NCALD: variants seen among roughly 807,000 people sequenced by gnomAD.
The protein encoded by NCALD is neurocalcin-delta.
In NCALD, 10 loss-of-function variants were observed where a neutral mutation model predicts 18.6. The ratio of observed to expected loss-of-function variants is 0.54; its 90% CI spans 0.33 to 0.91. The LOEUF is 0.91. NCALD is among the 40% of genes least tolerant of loss of function. The pLI is 0.03. For missense variants in NCALD, 184 were observed against 247.6 expected (o/e 0.74, Z 1.72); for synonymous variants, 88 against 87.4 (o/e 1.01, Z -0.04).
chr8:102,105,181 T>C (rs956122380), intron 1 of NCALD, among the ~76,000 whole-genome samples: 2 of 152,246 alleles, frequency 1.3e-5, no homozygotes, highest in Non-Finnish European at 2.9e-5. Context: ...ATCAGGTTTC[T>C]ATCATTTGTA....
chr8:102,095,447 C>T (rs1370352135), intron 1 of NCALD, among the ~76,000 whole-genome samples: 6 of 152,288 alleles, frequency 3.9e-5, no homozygotes, highest in Non-Finnish European at 8.8e-5. Flanking sequence ...GGTAAACCAA[C>T]TTGGACCTGT....
At chr8:102,015,685 G>T (rs1822058956) in intron 2 of NCALD, among the ~76,000 whole-genome samples, 1 of 152,172 alleles carries the variant, frequency 6.6e-6, no homozygotes, top group South Asian at 2.1e-4. Flanking sequence ...GCAACGAAGT[G>T]AACTGAGTTT....
chr8:101,988,468 C>T (rs2131972730), intron 2 of NCALD, among the ~76,000 whole-genome samples: 1 of 152,244 alleles, frequency 6.6e-6, no homozygotes, highest in South Asian at 2.1e-4. Context: ...TTACTTGAAA[C>T]ATTATCTAGT....
intron 1 of NCALD, among the ~76,000 whole-genome samples, chr8:101,732,049 G>A (rs952633929): frequency 6.6e-6 from 1 of 152,194 alleles, no homozygotes; most frequent in Non-Finnish European, 1.5e-5. Flanking sequence ...CCAGATGCTG[G>A]ACCAGAGCAG....
chr8:101,944,387 G>A (rs1819085959), intron 2 of NCALD, among the ~76,000 whole-genome samples: 1 of 152,216 alleles, frequency 6.6e-6, no homozygotes. Flanking sequence ...CAGTAGAAAG[G>A]AGAGTGGCAG....
intron 1 of NCALD, among the ~76,000 whole-genome samples, chr8:101,778,770 C>T (rs1811895881): frequency 6.6e-6 from 1 of 151,920 alleles, no homozygotes; most frequent in South Asian, 2.1e-4. Context: ...GTAAGAGCTA[C>T]TAGAGGAGAA....
Position 101,841,526 on chromosome 8 carries a change from G to A in NCALD, c.-20+45615C>T, listed in dbSNP as rs368486787. On this transcript the variant is annotated intron_variant, in intron 4 of 6. Transcript: ENST00000311028. ...AATAGCAACTCCCCTCTTCCCCCAGGTTGTGACAATCAAAAACATCTCCAG... is the reference window on the plus strand; with the variant it reads ...AATAGCAACTCCCCTCTTCCCCCAGATTGTGACAATCAAAAACATCTCCAG... 1.8e-4 allele frequency among the ~76,000 whole-genome samples: 28 copies of A among 152,230 alleles called. No homozygotes were observed. In the East Asian group the frequency reaches 4.2e-3, roughly 23 times the overall value.
intron 1 of NCALD, among the ~76,000 whole-genome samples, chr8:101,779,097 G>A (rs184868426): frequency 1.7e-4 from 26 of 152,206 alleles, no homozygotes; most frequent in Middle Eastern, 3.4e-3. Context: ...GTAATTTGGC[G>A]TCTATTTTTC....
intron 1 of NCALD, 39 bp from the exon 2 acceptor site, chr8:101,719,687 T>A (rs1816261354): frequency 4.7e-6 from 7 of 1,495,658 alleles, no homozygotes; most frequent in Non-Finnish European, 6.2e-6. Flanking sequence ...TTTGTAGAGC[T>A]GCTCTTTAGG....
At chr8:101,905,665 G>A (rs1013003208) in intron 3 of NCALD, among the ~76,000 whole-genome samples, 3 of 152,106 alleles carry the variant, frequency 2.0e-5, no homozygotes, top group Admixed American at 1.3e-4. Flanking sequence ...GTGCAGATGT[G>A]GCCATGCCAC....
intron 1 of NCALD, among the ~76,000 whole-genome samples, chr8:102,076,114 C>A (rs1824338622): frequency 6.6e-6 from 1 of 151,690 alleles, no homozygotes; most frequent in African/African-American, 2.4e-5. Flanking sequence ...CATTAAAATT[C>A]TAAAAATACA....
chr8:102,054,252 C>A (rs138938940), intron 1 of NCALD, among the ~76,000 whole-genome samples: 1 of 152,106 alleles, frequency 6.6e-6, no homozygotes, highest in Admixed American at 6.5e-5. Context: ...GTCAACTTGA[C>A]GAAGCCACCA....
intron 2 of NCALD, among the ~76,000 whole-genome samples, chr8:101,948,557 A>C (rs1328496618): frequency 6.6e-6 from 1 of 152,220 alleles, no homozygotes; most frequent in South Asian, 2.1e-4. Flanking sequence ...AGTCATTAGC[A>C]TATAGATGGT....
chr8:101,744,299 A>C (rs969660081), intron 1 of NCALD, among the ~76,000 whole-genome samples: 3 of 152,190 alleles, frequency 2.0e-5, no homozygotes. Flanking sequence ...CCAGCAGACT[A>C]TCCCTGACCT....
At chr8:102,056,473 C>T (rs1563579781) in intron 1 of NCALD, among the ~76,000 whole-genome samples, 1 of 152,204 alleles carries the variant, frequency 6.6e-6, no homozygotes, top group African/African-American at 2.4e-5. Flanking sequence ...ATAACTAATA[C>T]ATGCAGTCAG....
At chr8:101,896,068 G>C (rs548167746) in intron 3 of NCALD, among the ~76,000 whole-genome samples, 10 of 151,130 alleles carry the variant, frequency 6.6e-5, no homozygotes, top group Non-Finnish European at 1.3e-4. Context: ...TCAACCCTAA[G>C]CCAAAAGAAC....
At chr8:101,910,429 C>T (rs1817755123) in intron 3 of NCALD, among the ~76,000 whole-genome samples, 1 of 139,156 alleles carries the variant, frequency 7.2e-6, no homozygotes, top group Non-Finnish European at 1.5e-5. Flanking sequence ...ACACAGGGCC[C>T]CAAGAATAGT....
At chr8:102,084,712 TTGGCCTCTTAG>T (rs1304634994) in intron 1 of NCALD, among the ~76,000 whole-genome samples, 1 of 152,208 alleles carries the variant, frequency 6.6e-6, no homozygotes, top group Middle Eastern at 3.2e-3. Context: ...ACTCCACCAT[TTGGCCTCTTAG>T]TCCACAAGCT....
intron 1 of NCALD, among the ~76,000 whole-genome samples, chr8:101,761,060 G>C (rs1431522761): frequency 6.6e-6 from 1 of 151,850 alleles, no homozygotes; most frequent in Admixed American, 6.6e-5. Context: ...CTGCTCTATT[G>C]ACTTCCTCCA....
Sources: allele counts gnomAD v4.1 joint callset (sites outside exome capture counted in the v4.1 genomes callset), GRCh38; gene constraint gnomAD v4.1.1; transcripts MANE v1.5; gene names NCBI Gene and HGNC (gene_info 2026-07-23, HGNC 2026-07-21).